The following TRMT2B variants were observed in gnomAD, a reference collection of about 807,000 sequenced individuals.
TRMT2B encodes the protein tRNA methyltransferase 2B, also known as tRNA (uracil-5-)-methyltransferase homolog B.
Under a neutral mutation model 39.7 loss-of-function variants are expected in TRMT2B, and 34 were observed. The ratio of observed to expected loss-of-function variants is 0.86; its 90% CI spans 0.65 to 1.14. The LOEUF (loss-of-function observed/expected upper bound fraction) is 1.14, where lower values mean the gene tolerates loss of function less well. TRMT2B is among the 50% of genes most tolerant of loss of function. TRMT2B has a pLI of 0.00. For missense variants in TRMT2B, 318 were observed against 377.2 expected, an observed-to-expected ratio of 0.84 and a Z score of 1.30; for synonymous variants, 132 against 137.3, an observed-to-expected ratio of 0.96 and a Z score of 0.27.
intron 4 of TRMT2B, among the ~76,000 whole-genome samples, chrX:101,038,566 C>T (rs7066006): frequency 0.34 from 36,968 of 108,196 alleles, 5,195 homozygotes; most frequent in African/African-American, 0.48. Flanking sequence ...AGCTCTTGTG[C>T]AAGCTCATCA....
rs1005130436 is a variant in TRMT2B at position 101,019,277 on chromosome X, T to C, written c.1288+7A>G. ...CTGGGAACATCAAAATAGCTGTTCA[T>C]CCTTACGCAGTCCGGCACGGGCTGG... On this transcript the variant is annotated splice_region_variant and intron_variant, in intron 12 of 13. Transcript: ENST00000372936. The C allele has an allele frequency of 8.3e-7, 1 of 1,209,677 alleles. No homozygotes were observed. Among genetic ancestry groups the C allele is most frequent in the African/African-American group, 1.7e-5 (1 of 57,154 alleles).
intron 4 of TRMT2B, among the ~76,000 whole-genome samples, chrX:101,038,358 C>T (rs1357865494): frequency 1.5e-4 from 10 of 65,868 alleles, no homozygotes; most frequent in African/African-American, 6.9e-4. Context: ...CCAACAAGAG[C>T]GAAACTCCGT....
the TRMT2B span, among the ~76,000 whole-genome samples, chrX:100,975,655 C>G: frequency 9.8e-6 from 1 of 102,508 alleles, no homozygotes; most frequent in Non-Finnish European, 2.0e-5. Context: ...TTCTCTGAGA[C>G]AGAGTCTTGT....
chrX:101,013,114 C>T (rs1050743634), intron 13 of TRMT2B, among the ~76,000 whole-genome samples: 1 of 111,758 alleles, frequency 8.9e-6, no homozygotes, highest in Non-Finnish European at 1.9e-5. Context: ...AGCCACCGCG[C>T]CCGGTCAGCT....
At chrX:101,021,376 C>T in intron 9 of TRMT2B, 61 bp from the exon 10 acceptor site, 1 of 1,055,269 alleles carries the variant, frequency 9.5e-7, no homozygotes, top group Non-Finnish European at 1.3e-6. Context: ...CGCCTGTAAT[C>T]CCAGCACTTT....
the TRMT2B span, among the ~76,000 whole-genome samples, chrX:100,983,481 C>T: frequency 9.1e-6 from 1 of 110,010 alleles, no homozygotes; most frequent in Non-Finnish European, 1.9e-5. Context: ...TTCAGCCTCC[C>T]GAGTAGCTAG....
intron 13 of TRMT2B, among the ~76,000 whole-genome samples, chrX:101,014,201 G>C (rs912214266): frequency 3.6e-5 from 4 of 112,615 alleles, no homozygotes; most frequent in African/African-American, 1.3e-4. Flanking sequence ...ACTCATGCTT[G>C]TAGTGTCACA....
chrX:100,992,632 A>T, the TRMT2B span, among the ~76,000 whole-genome samples: 1 of 111,886 alleles, frequency 8.9e-6, no homozygotes, highest in African/African-American at 3.2e-5. Flanking sequence ...AATTAAGTTA[A>T]TATCAATAAG....
At chrX:101,027,637 C>G (rs2087190776) in intron 7 of TRMT2B, among the ~76,000 whole-genome samples, 1 of 110,769 alleles carries the variant, frequency 9.0e-6, no homozygotes, top group South Asian at 3.8e-4. Context: ...GGATTGGTCC[C>G]TGTTCCTCTT....
At chrX:101,006,312 G>A (rs1209564940), downstream of TRMT2B, among the ~76,000 whole-genome samples, 2 of 111,700 alleles carry the variant, frequency 1.8e-5, no homozygotes, top group Non-Finnish European at 3.8e-5. Flanking sequence ...TGAAACATCA[G>A]GCAGTCTCCA....
In TRMT2B at chrX:101,045,508, G is replaced by A. The variant is rs185820018; in HGVS notation, c.-23-3196C>T. On this transcript the variant is annotated intron_variant, in intron 2 of 13. Transcript: ENST00000372936. ...AAACAGGCTGGGTGTGGTGGCTCAC[G>A]CTTGTAATCCCAGCACTTTGGGAGA... Among the ~76,000 whole-genome samples the A allele has an allele frequency of 2.6e-3, 270 of 105,777 alleles. 3 individuals are homozygous for A. The highest frequency in any genetic ancestry group is 8.8e-3 in the African/African-American group (256 of 29,109). The allele number at this position is 105,777 out of a possible 115,157, so 91.9% of individuals were successfully genotyped here. A position where few individuals can be genotyped will look rare whatever the true frequency, so the allele number is the denominator to read the frequency against.
intron 13 of TRMT2B, among the ~76,000 whole-genome samples, chrX:101,018,211 G>A (rs1428203233): frequency 1.8e-5 from 2 of 110,357 alleles, no homozygotes; most frequent in East Asian, 2.9e-4. Flanking sequence ...GTGTGGTGGT[G>A]TGCACCTGTA....
the TRMT2B span, chrX:100,985,897 G>A: frequency 8.3e-7 from 1 of 1,205,454 alleles, no homozygotes; most frequent in African/African-American, 1.8e-5. Flanking sequence ...TAAAAGAGTG[G>A]CAGGGAAACC....
At chrX:100,995,667 C>T in the TRMT2B span, among the ~76,000 whole-genome samples, 2 of 111,927 alleles carry the variant, frequency 1.8e-5, no homozygotes, top group Non-Finnish European at 3.8e-5. Flanking sequence ...TATGAGACAG[C>T]AGGCCTTTAG....
At chrX:101,023,282 A>T (rs1196732369) in intron 8 of TRMT2B, among the ~76,000 whole-genome samples, 188 bp downstream of exon 8, 2 of 112,108 alleles carry the variant, frequency 1.8e-5, no homozygotes, top group Non-Finnish European at 3.8e-5. Flanking sequence ...TGGTTTGATT[A>T]TGCGAGCAGT....
the TRMT2B span, among the ~76,000 whole-genome samples, chrX:100,996,133 A>G: frequency 9.1e-6 from 1 of 109,436 alleles, no homozygotes; most frequent in Non-Finnish European, 1.9e-5. Context: ...CGTGGATGGA[A>G]CTAGAGGTCA....
chrX:101,012,870 G>A (rs1445595454), intron 13 of TRMT2B, among the ~76,000 whole-genome samples: 1 of 109,628 alleles, frequency 9.1e-6, no homozygotes, highest in African/African-American at 3.3e-5. Context: ...CCAGGCTGGA[G>A]TGCAGTGGCA....
the TRMT2B span, among the ~76,000 whole-genome samples, chrX:100,992,574 C>T: frequency 1.8e-5 from 2 of 110,091 alleles, no homozygotes; most frequent in African/African-American, 3.3e-5. Context: ...GAGTAAGATT[C>T]GGTCTCAAAA....
chrX:101,031,615 G>A (rs1483490329), intron 7 of TRMT2B, among the ~76,000 whole-genome samples: 1 of 109,793 alleles, frequency 9.1e-6, no homozygotes, highest in Non-Finnish European at 1.9e-5. Flanking sequence ...GGCTGAGGCA[G>A]GAGAATTGCT....
Sources: gnomAD v4.1 joint callset for allele counts (sites outside exome capture counted in the v4.1 genomes callset) on GRCh38, gnomAD v4.1.1 for gene constraint, MANE v1.5 for transcripts, NCBI Gene and HGNC (gene_info 2026-07-23, HGNC 2026-07-21) for gene names.